NCKAP5L: variants seen among roughly 807,000 people sequenced by gnomAD.
NCKAP5L encodes the protein nck-associated protein 5-like.
A neutral mutation model predicts 103.2 loss-of-function variants in NCKAP5L; 54 were observed. The ratio of observed to expected loss-of-function variants is 0.52; its 90% CI spans 0.42 to 0.66. NCKAP5L has a LOEUF of 0.66. Among genes scored for constraint, NCKAP5L ranks in the 30% least tolerant of loss-of-function variants. The pLI is 0.00. For synonymous variants in NCKAP5L, 762 were observed against 748.6 expected, an observed-to-expected ratio of 1.02 and a Z score of -0.29; for missense variants, 1,733 against 1,750.6, an observed-to-expected ratio of 0.99 and a Z score of 0.18.
At chr12:49,809,569 C>A (rs1159788373) in intron 1 of NCKAP5L, among the ~76,000 whole-genome samples, 1 of 152,162 alleles carries the variant, frequency 6.6e-6, no homozygotes, top group Non-Finnish European at 1.5e-5. Flanking sequence ...TCCCTCCGCA[C>A]CCTCCCCAGC....
chr12:49,802,616 T>G, intron 5 of NCKAP5L: 1 of 309,320 alleles, frequency 3.2e-6, no homozygotes, highest in East Asian at 6.2e-5. Context: ...GGAGTTAAAG[T>G]GGCCCCAATG....
rs763667515 is a variant in NCKAP5L at position 49,793,725 on chromosome 12, A to G, written c.3258+9T>C. 3 of 1,542,510 alleles carry G rather than the reference A, an allele frequency of 1.9e-6. No homozygotes were observed. Among genetic ancestry groups the G allele is most frequent in the South Asian group, 1.3e-5 (1 of 79,886 alleles). On this transcript the variant is annotated intron_variant, in intron 9 of 12. Transcript: ENST00000335999. The stretch of plus-strand genomic sequence containing the variant: ...GGCCGTCCACCCAGTCCCTACCCCA[A>G]GAACTTACCTTTCCAGGAGGTTTTC...
intron 1 of NCKAP5L, among the ~76,000 whole-genome samples, chr12:49,810,252 G>C (rs1320018342): frequency 6.6e-6 from 1 of 152,194 alleles, no homozygotes; most frequent in Admixed American, 6.5e-5. Flanking sequence ...CCACACACCA[G>C]GGGCTCTGCA....
At chr12:49,825,329 G>C (rs2137047382) in intron 1 of NCKAP5L, among the ~76,000 whole-genome samples, 1 of 152,338 alleles carries the variant, frequency 6.6e-6, no homozygotes, top group Admixed American at 6.5e-5. Flanking sequence ...TTCGGGTGAG[G>C]GTTGTCGAAG....
chr12:49,795,678 C>T lies in NCKAP5L; in HGVS notation c.2182G>A (p.Ala728Thr), dbSNP rs760633301. ...AGGCTGTTTGTGCCCAAGGCCACTG[C>T]CCCCCGTATCCCCCCCTTGGCTTCT... Reference protein sequence around the residue: ...QLEAKGGIRGAVALGTNSLKQ... With the variant: ...QLEAKGGIRGTVALGTNSLKQ... Residue 728 changes from alanine to threonine, a missense_variant, in exon 8 of 13, where the codon GCA becomes ACA. By Grantham distance (58) the Ala-to-Thr change is moderately conservative (BLOSUM62 0). Transcript: ENST00000335999. 5.6e-6 allele frequency: 9 copies of T among 1,611,722 alleles called. No homozygotes were observed. Among genetic ancestry groups the T allele is most frequent in the Admixed American group, 1.7e-5 (1 of 59,672 alleles).
chr12:49,795,537 C>G lies in NCKAP5L; in HGVS notation c.2323G>C (p.Val775Leu). ...PVSPRSCLTKVELAKSRLAGA... is the reference protein window; with the variant it reads ...PVSPRSCLTKLELAKSRLAGA... ...GCCAGCCGGCTCTTGGCCAGCTCCACTTTGGTGAGGCAGCTCCTTGGTGAG... is the reference window on the plus strand; with the variant it reads ...GCCAGCCGGCTCTTGGCCAGCTCCAGTTTGGTGAGGCAGCTCCTTGGTGAG... The change falls in exon 8 of 13, where the codon GTG (valine) becomes CTG (leucine). Residue 775 changes from valine to leucine, a missense_variant. Val to Leu is a conservative substitution (Grantham distance 32). Transcript: ENST00000335999. 6.5e-7 allele frequency: 1 copy of G among 1,534,760 alleles called. No individual in the cohort carries two copies. Among genetic ancestry groups the G allele is most frequent in the South Asian group, 1.3e-5 (1 of 76,722 alleles).
Position 49,792,702 on chromosome 12 carries a change from G to C in NCKAP5L, c.3625C>G (p.Arg1209Gly). 2 of 1,611,632 alleles carry C rather than the reference G, an allele frequency of 1.2e-6. No individual in the cohort carries two copies. The highest frequency in any genetic ancestry group is 8.5e-7 in the Non-Finnish European group (1 of 1,179,170). ...PALLPAAPGH[R>G]GHETCPDDPC... ...CCATCAGGACAGGTCTCATGGCCCC[G>C]GTGGCCCGGAGCAGCGGGTAGCAGT... Residue 1209 changes from arginine to glycine, a missense_variant, in exon 11 of 13, where the codon CGG becomes GGG. Transcript: ENST00000335999. The surrounding 1 kb of genome is among the most constrained non-coding windows in gnomAD (Gnocchi z 4.5).
chr12:49,801,699 G>T, intron 6 of NCKAP5L, 149 bp downstream of exon 6: 1 of 936,122 alleles, frequency 1.1e-6, no homozygotes, highest in Non-Finnish European at 1.6e-6. Context: ...AAACCCAGGG[G>T]ACTTGGGTAG....
Position 49,795,656 on chromosome 12 carries a change from C to T in NCKAP5L, c.2204G>A (p.Ser735Asn), listed in dbSNP as rs768411511. The change falls in exon 8 of 13, where the codon AGC (serine) becomes AAC (asparagine). Residue 735 changes from serine to asparagine, a missense_variant. Physicochemically the swap from Ser to Asn is conservative, Grantham distance 46. Coordinates refer to ENST00000335999, the MANE Select transcript of NCKAP5L (RefSeq NM_001037806.4). Reference protein sequence around the residue: ...IRGAVALGTNSLKQQEPGLMG... With the variant: ...IRGAVALGTNNLKQQEPGLMG... ...AAGTCCAGGTTCCTGCTGCTTCAGG[C>T]TGTTTGTGCCCAAGGCCACTGCCCC... 4.3e-6 allele frequency: 7 copies of T among 1,612,084 alleles called. No homozygotes were observed. In the Admixed American group the frequency reaches 8.4e-5, roughly 19 times the overall value.
chr12:49,796,922 C>G lies in NCKAP5L; in HGVS notation c.938G>C (p.Ser313Thr), dbSNP rs771306133. The change falls in exon 8 of 13, where the codon AGC (serine) becomes ACC (threonine). Residue 313 changes from serine (S) to threonine (T), a missense_variant. Ser to Thr is a moderately conservative substitution (Grantham distance 58). Transcript: ENST00000335999. ...DEAGDPNEAPSPDTLLGALAR... is the reference protein window; with the variant it reads ...DEAGDPNEAPTPDTLLGALAR... ...CAGGGCACCGAGCAGGGTGTCGGGG[C>G]TGGGTGCCTCATTGGGGTCACCTGC... 15 of 1,607,872 alleles carry G rather than the reference C, an allele frequency of 9.3e-6. No homozygotes were observed. The Admixed American group carries it at 2.5e-4, about 27-fold the overall frequency.
intron 5 of NCKAP5L, 167 bp from the exon 6 acceptor site, chr12:49,802,134 G>T: frequency 1.4e-6 from 1 of 706,168 alleles, no homozygotes. Flanking sequence ...TGCCGATGTT[G>T]GTAGCTATAG....
Position 49,795,882 on chromosome 12 carries a change from G to T in NCKAP5L, c.1978C>A (p.Pro660Thr). The T allele has an allele frequency of 1.1e-5, 17 of 1,554,032 alleles. No homozygotes were observed. The highest frequency in any genetic ancestry group is 1.5e-5 in the Non-Finnish European group (17 of 1,155,574). ...AGGGCCGCCAGTCTGTCCCGCAGAG[G>T]TGTGCTGCCAGGATCCCCAGGTCGC... Reference protein sequence around the residue: ...GRRPGDPGSTPLRDRLAALGK... With the variant: ...GRRPGDPGSTTLRDRLAALGK... Residue 660 changes from proline to threonine, a missense_variant, in exon 8 of 13, where the codon CCT (proline) becomes ACT (threonine). Transcript: ENST00000335999.
In NCKAP5L at chr12:49,798,403, T is replaced by C; in HGVS notation, c.412A>G (p.Thr138Ala). The C allele has an allele frequency of 6.3e-7, 1 of 1,578,850 alleles. No homozygotes were observed. The highest frequency in any genetic ancestry group is 8.6e-7 in the Non-Finnish European group (1 of 1,162,062). The change falls in exon 7 of 13, where the codon ACT becomes GCT. Residue 138 changes from threonine to alanine, a missense_variant. Coordinates refer to ENST00000335999, the MANE Select transcript of NCKAP5L (RefSeq NM_001037806.4). The part of the protein sequence containing the change: ...EPPASPSLSS[T>A]EGPAAPLPLG... Reference sequence around the variant, plus strand: ...GGCAGCGGGGCAGCCGGTCCCTCAGTGGAGCTCAGGGAGGGGGAGGCTGGT... The same window carrying C: ...GGCAGCGGGGCAGCCGGTCCCTCAGCGGAGCTCAGGGAGGGGGAGGCTGGT...
At chr12:49,808,004 A>C (rs1293172561) in intron 1 of NCKAP5L, among the ~76,000 whole-genome samples, 1 of 152,262 alleles carries the variant, frequency 6.6e-6, no homozygotes. Context: ...CAACGAAACA[A>C]TGTAGAGTAT....
intron 10 of NCKAP5L, 59 bp from the exon 11 acceptor site, chr12:49,793,045 G>A: frequency 1.5e-6 from 2 of 1,308,290 alleles, no homozygotes; most frequent in Middle Eastern, 2.6e-4. Flanking sequence ...TCCCCGGCCT[G>A]CCTCCACTTC....
At chr12:49,808,381 T>C (rs1722962314) in intron 1 of NCKAP5L, among the ~76,000 whole-genome samples, 1 of 152,164 alleles carries the variant, frequency 6.6e-6, no homozygotes, top group Admixed American at 6.5e-5. Context: ...TGAGGGGGCC[T>C]CCTCTGCATC....
chr12:49,799,002 TG>T (rs1946090129), intron 6 of NCKAP5L, among the ~76,000 whole-genome samples: 1 of 152,196 alleles, frequency 6.6e-6, no homozygotes, highest in Non-Finnish European at 1.5e-5. Context: ...TCTCAGTCCC[TG>T]AGAATGTAAT....
rs1946017792 is a variant in NCKAP5L at position 49,795,352 on chromosome 12, G to GTCA, written c.2507_2508insTGA (p.Thr836_Lys837insAsp). On this transcript the variant is annotated inframe_insertion, in exon 8 of 13. Coordinates refer to ENST00000335999, the MANE Select transcript of NCKAP5L (RefSeq NM_001037806.4). ...CTTTGTCAGGCTTGGGGGACTCCTT[G>GTCA]GTGACTAGCGGAGCCCCAGGTCGAG... 12 of 1,542,660 alleles carry GTCA rather than the reference G, an allele frequency of 7.8e-6. No homozygotes were observed. The highest frequency in any genetic ancestry group is 1.4e-5 in the African/African-American group (1 of 72,192).
rs769968040 is a variant in NCKAP5L at position 49,793,379 on chromosome 12, C to T, written c.3313G>A (p.Glu1105Lys). The T allele has an allele frequency of 4.7e-5, 76 of 1,608,080 alleles. No individual in the cohort carries two copies. The highest frequency in any genetic ancestry group is 5.9e-5 in the Non-Finnish European group (70 of 1,179,780). Residue 1105 changes from glutamate to lysine, a missense_variant, in exon 10 of 13, where the codon GAG becomes AAG. Glu to Lys is a moderately conservative substitution (Grantham distance 56, BLOSUM62 1). Coordinates refer to ENST00000335999, the MANE Select transcript of NCKAP5L (RefSeq NM_001037806.4). ...EEMPSEDSLA[E>K]PVPTSHFTAC... ...GTGAAGTGTGAGGTGGGCACTGGCT[C>T]GGCCAGGCTGTCCTCCGAGGGCATC...
Sources: gnomAD v4.1 joint callset for allele counts (sites outside exome capture counted in the v4.1 genomes callset) on GRCh38, gnomAD v4.1.1 for gene constraint, Gnocchi (gnomAD v3.1) non-coding constraint, MANE v1.5 for transcripts, NCBI Gene and HGNC (gene_info 2026-07-23, HGNC 2026-07-21) for gene names.